The following PREX1 variants were observed in gnomAD, a reference collection of about 807,000 sequenced individuals.
The protein encoded by PREX1 is phosphatidylinositol-3,4,5-trisphosphate dependent Rac exchange factor 1.
Under a neutral mutation model 198.3 loss-of-function variants are expected in PREX1, and 41 were observed. That is an observed-to-expected ratio of 0.21 (90% CI 0.16 to 0.27). The LOEUF is 0.27. Among genes scored for constraint, PREX1 ranks in the 10% least tolerant of loss-of-function variants. The pLI, the probability that PREX1 is intolerant of heterozygous loss-of-function variation, is 1.00. For missense variants in PREX1, 1,620 were observed against 2,200.7 expected, an observed-to-expected ratio of 0.74 and a Z score of 5.28; for synonymous variants, 843 against 887.2, an observed-to-expected ratio of 0.95 and a Z score of 0.89.
At chr20:48,828,404 G>A (rs1005462555), upstream of PREX1, among the ~76,000 whole-genome samples, 7 of 152,128 alleles carry the variant, frequency 4.6e-5, no homozygotes, top group Admixed American at 2.0e-4. Flanking sequence ...CCTGCTTGCA[G>A]GTCCGGCCGC....
Position 48,625,225 on chromosome 20 carries a change from CCA to C in PREX1, c.*658_*659del, listed in dbSNP as rs2089261124. The C allele has an allele frequency of 6.6e-6, 1 of 152,476 alleles. No individual in the cohort carries two copies. Among genetic ancestry groups the C allele is most frequent in the Admixed American group, 6.6e-5 (1 of 15,264 alleles). 9.4% of individuals were successfully genotyped at this position (152,476 alleles called of 1,614,324 possible). On this transcript the variant is annotated 3_prime_UTR_variant, in exon 40 of 40. Transcript: ENST00000371941. Reference sequence around the variant, plus strand: ...CAACAACAAAAAATCCCAAAATAAACCAGAGATTTCATGCCATATAAATAAAG... The same window carrying C: ...CAACAACAAAAAATCCCAAAATAAACGAGATTTCATGCCATATAAATAAAG...
At chr20:48,786,951 T>C (rs1326769811) in intron 1 of PREX1, among the ~76,000 whole-genome samples, 1 of 151,504 alleles carries the variant, frequency 6.6e-6, no homozygotes, top group African/African-American at 2.4e-5. Context: ...GTCACAAGGA[T>C]GCGACTCCTG....
chr20:48,704,468 T>C (rs1456064161), intron 6 of PREX1, among the ~76,000 whole-genome samples: 1 of 152,158 alleles, frequency 6.6e-6, no homozygotes, highest in African/African-American at 2.4e-5. Flanking sequence ...GATCATCTCT[T>C]AAACCAGGGC....
intron 1 of PREX1, among the ~76,000 whole-genome samples, chr20:48,816,606 G>T (rs528606760): frequency 6.6e-6 from 1 of 152,288 alleles, no homozygotes; most frequent in East Asian, 1.9e-4. Context: ...TGGCCGTGAT[G>T]TGGCTATGTT....
chr20:48,690,928 C>A lies in PREX1; in HGVS notation c.1186+19G>T. 1 of 1,613,252 alleles carries A rather than the reference C, an allele frequency of 6.2e-7. No homozygotes were observed. Among genetic ancestry groups the A allele is most frequent in the Non-Finnish European group, 8.5e-7 (1 of 1,180,008 alleles). On this transcript the variant is annotated intron_variant, in intron 9 of 39. Transcript: ENST00000371941. ...ATAGCTCAGGGATCCCAGGCGAGCA[C>A]CCCAAAGCTGCTGCTCACTCTCGCG...
chr20:48,662,036 G>A (rs1164791799), intron 15 of PREX1, among the ~76,000 whole-genome samples: 1 of 152,178 alleles, frequency 6.6e-6, no homozygotes, highest in South Asian at 2.1e-4. Flanking sequence ...GCTTTTTCTG[G>A]ATGTGGTGAC....
the PREX1 span, among the ~76,000 whole-genome samples, chr20:48,843,325 C>G: frequency 6.6e-5 from 10 of 152,120 alleles, no homozygotes; most frequent in African/African-American, 2.4e-4. Context: ...TCTGATTGGT[C>G]AGGATTGGGT....
At chr20:48,703,959 G>C (rs1406085125) in intron 6 of PREX1, among the ~76,000 whole-genome samples, 1 of 152,198 alleles carries the variant, frequency 6.6e-6, no homozygotes, top group Non-Finnish European at 1.5e-5. Context: ...GACCAGTCAG[G>C]ACTAGAGACC....
In PREX1 at chr20:48,777,592, A is replaced by T. The variant is rs377151173; in HGVS notation, c.220-29712T>A. ...AAATGCTGTTGCCCTCAAGAGGTTA[A>T]CAGTCTCAAGGTAGCCACAACCACA... On this transcript the variant is annotated intron_variant, in intron 1 of 39. Transcript: ENST00000371941. 3.9e-5 allele frequency among the ~76,000 whole-genome samples: 6 copies of T among 152,216 alleles called. No homozygotes were observed. The East Asian group carries it at 7.7e-4, about 20-fold the overall frequency.
At chr20:48,803,052 G>A (rs548879549) in intron 1 of PREX1, among the ~76,000 whole-genome samples, 7 of 152,184 alleles carry the variant, frequency 4.6e-5, no homozygotes, top group Non-Finnish European at 1.0e-4. Context: ...CTCCAGACCT[G>A]CTGATCCAAA....
At chr20:48,663,319 T>C (rs2089610688) in intron 15 of PREX1, among the ~76,000 whole-genome samples, 1 of 152,186 alleles carries the variant, frequency 6.6e-6, no homozygotes, top group African/African-American at 2.4e-5. Flanking sequence ...AGCACGTGGC[T>C]CACTCTGCCA....
chr20:48,684,994 C>T lies in PREX1; in HGVS notation c.1335-3659G>A, dbSNP rs2089775768. 6.6e-6 allele frequency among the ~76,000 whole-genome samples: 1 copy of T among 152,194 alleles called. No individual in the cohort carries two copies. The highest frequency in any genetic ancestry group is 2.4e-5 in the African/African-American group (1 of 41,448). ...ACTTCCCCTGAGAGGTCCTGACTGC[C>T]CACTCTTCTGAACCAGCCCCATTTC... On this transcript the variant is annotated intron_variant, in intron 10 of 39. Transcript: ENST00000371941. The surrounding 1 kb of genome is among the most constrained non-coding windows in gnomAD (Gnocchi z 4.2).
chr20:48,655,266 CT>C lies in PREX1; in HGVS notation c.2209+23del, dbSNP rs1057138315. On this transcript the variant is annotated intron_variant, in intron 19 of 39. Coordinates refer to ENST00000371941, the MANE Select transcript of PREX1 (RefSeq NM_020820.4). ...ATCCACCATCTTCTGCACCTTTCCC[CT>C]CTCTCCCAAGGCTCCCACTCACCTC... is the stretch of plus-strand genomic sequence containing the variant. The C allele has an allele frequency of 2.6e-6, 4 of 1,519,768 alleles. No individual in the cohort carries two copies. In the African/African-American group the frequency reaches 5.5e-5, roughly 21 times the overall value. The allele number at this position is 1,519,768 out of a possible 1,614,324, so 94.1% of individuals were successfully genotyped here.
chr20:48,831,349 G>A (rs2090536746), upstream of PREX1, among the ~76,000 whole-genome samples: 1 of 152,160 alleles, frequency 6.6e-6, no homozygotes, highest in Non-Finnish European at 1.5e-5. Context: ...CTGGCACAAG[G>A]CTGCCCAGAC....
At chr20:48,754,525 G>A (rs2090148338) in intron 1 of PREX1, among the ~76,000 whole-genome samples, 1 of 152,046 alleles carries the variant, frequency 6.6e-6, no homozygotes, top group Admixed American at 6.6e-5. Context: ...GAGATAAAAA[G>A]GACAGAAAGA....
the PREX1 span, among the ~76,000 whole-genome samples, chr20:48,842,598 C>T: frequency 6.6e-6 from 1 of 151,394 alleles, no homozygotes; most frequent in African/African-American, 2.4e-5. Flanking sequence ...CAGCAAGACA[C>T]TGTCTCAAAA....
intron 35 of PREX1, 63 bp from the exon 36 acceptor site, chr20:48,630,857 C>A: frequency 7.9e-7 from 1 of 1,272,136 alleles, no homozygotes; most frequent in Non-Finnish European, 1.1e-6. Context: ...TGCCCCTACC[C>A]AGGTCTCAAC....
intron 24 of PREX1, 61 bp downstream of exon 24, chr20:48,649,935 T>C: frequency 6.4e-7 from 1 of 1,571,232 alleles, no homozygotes; most frequent in Non-Finnish European, 8.7e-7. Context: ...CAGACAAGTT[T>C]TGGTTTAAGT....
At chr20:48,628,280 T>G (rs2089288677) in intron 37 of PREX1, among the ~76,000 whole-genome samples, 1 of 152,006 alleles carries the variant, frequency 6.6e-6, no homozygotes, top group African/African-American at 2.4e-5. Flanking sequence ...GCTGAGTGAG[T>G]GGGGGACTCC....
Sources: gnomAD v4.1 joint callset for allele counts (sites outside exome capture counted in the v4.1 genomes callset) on GRCh38, gnomAD v4.1.1 for gene constraint, Gnocchi (gnomAD v3.1) non-coding constraint, MANE v1.5 for transcripts, NCBI Gene and HGNC (gene_info 2026-07-23, HGNC 2026-07-21) for gene names.